THSD7B: variants seen among roughly 807,000 people sequenced by gnomAD.
THSD7B encodes the protein thrombospondin type-1 domain-containing protein 7B.
Under a neutral mutation model 213.6 loss-of-function variants are expected in THSD7B, and 138 were observed. The observed-to-expected ratio is 0.65, with a 90% confidence interval of 0.56 to 0.74. The LOEUF (loss-of-function observed/expected upper bound fraction) is 0.74, where lower values mean the gene tolerates loss of function less well. Ranked by LOEUF, THSD7B falls within the 30% of genes least tolerant of loss-of-function variation. The probability of loss-of-function intolerance (pLI) is 0.00; values close to 1 mark genes in which losing one functional copy is unlikely to be tolerated. For missense variants in THSD7B, 1,931 were observed against 1,991.5 expected, an observed-to-expected ratio of 0.97 and a Z score of 0.58; for synonymous variants, 742 against 687.0, an observed-to-expected ratio of 1.08 and a Z score of -1.25.
In THSD7B at chr2:136,907,339, T is replaced by C. The variant is rs372240969; in HGVS notation, c.139+25022T>C. Among the ~76,000 whole-genome samples, 25 of 152,352 alleles carry C rather than the reference T, an allele frequency of 1.6e-4. No homozygotes were observed. In the East Asian group the frequency reaches 2.9e-3, roughly 18 times the overall value. The stretch of plus-strand genomic sequence containing the variant: ...AAAATGGGCAGAAAGAGAAATATAA[T>C]TTAATTCTGTACAGAATTAAGTAGT... On this transcript the variant is annotated intron_variant, in intron 2 of 27. Coordinates refer to ENST00000409968, the MANE Select transcript of THSD7B (RefSeq NM_001316349.2).
chr2:137,558,240 G>T (rs1350214546), intron 15 of THSD7B, among the ~76,000 whole-genome samples: 4 of 152,090 alleles, frequency 2.6e-5, no homozygotes, highest in Non-Finnish European at 5.9e-5. Context: ...TGATACCAAA[G>T]CCTGGCAGAG....
At chr2:137,433,128 CAAA>C (rs1419699038) in intron 14 of THSD7B, among the ~76,000 whole-genome samples, 16 of 152,152 alleles carry the variant, frequency 1.1e-4, no homozygotes, top group Admixed American at 2.0e-4. Context: ...TATGTAATTT[CAAA>C]TAGCCCTAAG....
At chr2:137,182,790 C>T (rs1311629592) in intron 7 of THSD7B, among the ~76,000 whole-genome samples, 1 of 152,082 alleles carries the variant, frequency 6.6e-6, no homozygotes, top group Admixed American at 6.6e-5. Flanking sequence ...TACTGTGTAT[C>T]ACTCCTAATT....
At chr2:136,914,759 ACTT>A (rs1289818644) in intron 2 of THSD7B, among the ~76,000 whole-genome samples, 2 of 152,066 alleles carry the variant, frequency 1.3e-5, no homozygotes, top group East Asian at 3.9e-4. Context: ...GTCCAATTAA[ACTT>A]CTTTTTTTTC....
chr2:137,636,399 A>T (rs1437401277), intron 20 of THSD7B, among the ~76,000 whole-genome samples: 1 of 152,258 alleles, frequency 6.6e-6, no homozygotes, highest in African/African-American at 2.4e-5. Flanking sequence ...AAAGTCAGCT[A>T]TGAAACATCA....
chr2:137,641,543 A>G (rs1682937400), intron 20 of THSD7B, among the ~76,000 whole-genome samples: 1 of 152,268 alleles, frequency 6.6e-6, no homozygotes, highest in Non-Finnish European at 1.5e-5. Context: ...TAATTAAATT[A>G]TATGTGCTGA....
intron 2 of THSD7B, among the ~76,000 whole-genome samples, chr2:136,966,530 G>C (rs888428983): frequency 6.6e-6 from 1 of 152,122 alleles, no homozygotes; most frequent in Non-Finnish European, 1.5e-5. Flanking sequence ...AACATGTCTT[G>C]AATCAGTCTT....
chr2:137,603,964 A>T (rs1276680268), intron 17 of THSD7B, among the ~76,000 whole-genome samples: 2 of 152,202 alleles, frequency 1.3e-5, no homozygotes, highest in East Asian at 3.9e-4. Context: ...TACAAAAATT[A>T]TCCCGGCTTG....
At chr2:137,401,382 G>C (rs752435068) in intron 12 of THSD7B, among the ~76,000 whole-genome samples, 2 of 151,964 alleles carry the variant, frequency 1.3e-5, no homozygotes, top group Non-Finnish European at 2.9e-5. Context: ...TATTTCTTTA[G>C]TATTTTCATA....
chr2:137,300,987 T>G lies in THSD7B; in HGVS notation c.2500+24961T>G, dbSNP rs72975676. Among the ~76,000 whole-genome samples, 785 of 152,244 alleles carry G rather than the reference T, an allele frequency of 5.2e-3. 9 individuals carry two copies. The highest frequency in any genetic ancestry group is 0.018 in the African/African-American group (765 of 41,562). ...GCCGGTAAAGTGTATGTGCCTGTGC[T>G]AATTATGAAGTCCCTTATTGCAATT... is the stretch of plus-strand genomic sequence containing the variant. On this transcript the variant is annotated intron_variant, in intron 12 of 27. Transcript: ENST00000409968.
intron 12 of THSD7B, among the ~76,000 whole-genome samples, chr2:137,373,194 C>G (rs1383446756): frequency 1.4e-4 from 22 of 152,206 alleles, no homozygotes; most frequent in Non-Finnish European, 2.2e-4. Context: ...ATGATTTATA[C>G]TCCTTTGGGT....
In THSD7B at chr2:137,383,525, G is replaced by C. The variant is rs373129876; in HGVS notation, c.2501-22088G>C. Among the ~76,000 whole-genome samples, 56 of 152,270 alleles carry C rather than the reference G, an allele frequency of 3.7e-4. 1 individual carries two copies. In the East Asian group the frequency reaches 0.01, roughly 28 times the overall value. ...TGTGCTGCAGTCAAGAATAGGCCGA[G>C]GCAGACATCTGGTCCAGTGTGACTC... On this transcript the variant is annotated intron_variant, in intron 12 of 27. Transcript: ENST00000409968.
chr2:137,150,013 G>A (rs892860208), intron 5 of THSD7B, among the ~76,000 whole-genome samples: 4 of 151,994 alleles, frequency 2.6e-5, no homozygotes, highest in South Asian at 2.1e-4. Context: ...AGGCCGAGGC[G>A]GGCAGATCAC....
At chr2:136,836,741 G>T (rs1187485294) in intron 1 of THSD7B, among the ~76,000 whole-genome samples, 5 of 152,080 alleles carry the variant, frequency 3.3e-5, no homozygotes, top group African/African-American at 1.2e-4. Context: ...TCTAGTCTCA[G>T]TAACTCCTGA....
intron 10 of THSD7B, among the ~76,000 whole-genome samples, chr2:137,258,864 C>T (rs1435129123): frequency 7.3e-5 from 11 of 151,686 alleles, no homozygotes; most frequent in East Asian, 3.9e-4. Context: ...GGCCCTGAAG[C>T]GTGTTGTTCC....
intron 15 of THSD7B, among the ~76,000 whole-genome samples, chr2:137,561,549 A>G (rs1681118911): frequency 6.6e-6 from 1 of 152,168 alleles, no homozygotes; most frequent in African/African-American, 2.4e-5. Context: ...ATTAACAGAT[A>G]TTAAAGGGTT....
chr2:137,133,453 T>G (rs1688777671), intron 5 of THSD7B, among the ~76,000 whole-genome samples: 1 of 152,294 alleles, frequency 6.6e-6, no homozygotes, highest in Admixed American at 6.5e-5. Context: ...TCCTATGGAA[T>G]AGTGGTTCTC....
chr2:137,136,414 G>T (rs563885692), intron 5 of THSD7B, among the ~76,000 whole-genome samples: 1 of 152,256 alleles, frequency 6.6e-6, no homozygotes, highest in South Asian at 2.1e-4. Context: ...ACAACAGAAT[G>T]GTTTGGCTTT....
intron 12 of THSD7B, among the ~76,000 whole-genome samples, chr2:137,347,919 T>G (rs563182567): frequency 9.2e-5 from 14 of 151,586 alleles, no homozygotes; most frequent in African/African-American, 3.1e-4. Context: ...CAGGAAGAAG[T>G]TATAGAACTC....
Sources: gnomAD v4.1 joint callset for allele counts (sites outside exome capture counted in the v4.1 genomes callset) on GRCh38, gnomAD v4.1.1 for gene constraint, MANE v1.5 for transcripts, NCBI Gene and HGNC (gene_info 2026-07-23, HGNC 2026-07-21) for gene names.